The following UST variants were observed in gnomAD, a reference collection of about 807,000 sequenced individuals.
The protein encoded by UST is chondroitin sulfate 2-O-sulfotransferase.
A neutral mutation model predicts 45.6 loss-of-function variants in UST; 21 were observed. The ratio of observed to expected loss-of-function variants is 0.46; its 90% CI spans 0.33 to 0.66. UST has a LOEUF of 0.66. UST is among the 30% of genes least tolerant of loss of function. The pLI is 0.02. For missense variants in UST, 463 were observed against 512.4 expected (o/e 0.90, Z 0.93); for synonymous variants, 215 against 200.6 (o/e 1.07, Z -0.61).
At chr6:148,920,920 C>A (rs9498179) in intron 2 of UST, among the ~76,000 whole-genome samples, 1 of 152,180 alleles carries the variant, frequency 6.6e-6, no homozygotes, top group Non-Finnish European at 1.5e-5. Context: ...CCATCAGGAG[C>A]GTCAGAAGGA....
intron 1 of UST, among the ~76,000 whole-genome samples, chr6:148,774,815 T>G (rs970988992): frequency 3.9e-5 from 6 of 152,178 alleles, no homozygotes; most frequent in Non-Finnish European, 8.8e-5. Context: ...GGTCAGGAGT[T>G]CGAAACCAGC....
chr6:148,982,748 A>G (rs1010215175), intron 5 of UST, among the ~76,000 whole-genome samples: 1 of 152,224 alleles, frequency 6.6e-6, no homozygotes, highest in Admixed American at 6.5e-5. Flanking sequence ...CTTGAGGTTT[A>G]TGAGCACTTG....
At chr6:149,053,782 C>T (rs533033368) in intron 7 of UST, among the ~76,000 whole-genome samples, 9 of 152,346 alleles carry the variant, frequency 5.9e-5, no homozygotes, top group Non-Finnish European at 8.8e-5. Flanking sequence ...AGGGAATGCA[C>T]AGAAGCCTGA....
intron 1 of UST, among the ~76,000 whole-genome samples, chr6:148,768,240 A>G (rs1364985405): frequency 1.3e-5 from 2 of 152,204 alleles, no homozygotes; most frequent in Non-Finnish European, 2.9e-5. Flanking sequence ...AATATTAGTG[A>G]AAGTGAACCA....
chr6:149,064,394 G>C (rs558946675), intron 7 of UST, among the ~76,000 whole-genome samples: 84 of 152,300 alleles, frequency 5.5e-4, no homozygotes, highest in South Asian at 3.7e-3. Context: ...AGCACTGGGA[G>C]CTTTATAAGG....
intron 1 of UST, among the ~76,000 whole-genome samples, chr6:148,759,137 A>T (rs1256100384): frequency 2.0e-5 from 3 of 152,164 alleles, no homozygotes; most frequent in African/African-American, 7.2e-5. Context: ...TCCGTTCCTT[A>T]GGACCCTCAT....
chr6:149,005,220 C>T, intron 5 of UST: 1 of 903,974 alleles, frequency 1.1e-6, no homozygotes, highest in Non-Finnish European at 1.3e-6. Context: ...CCTGCCCATC[C>T]AGCACCTCCC....
chr6:148,990,348 ATCTT>A lies in UST; in HGVS notation c.681+25795_681+25798del, dbSNP rs1020461152. The A allele has an allele frequency of 2.1e-5, 20 of 971,738 alleles. No homozygotes were observed. The African/African-American group carries it at 2.3e-4, about 11-fold the overall frequency. The allele number at this position is 971,738 out of a possible 1,614,324, so 60.2% of individuals were successfully genotyped here. The stretch of plus-strand genomic sequence containing the variant: ...AAAGAATAAGATTTGATGCCATGAG[ATCTT>A]TCTTTCTTTTAAATCCAAATAGTTA... On this transcript the variant is annotated intron_variant, in intron 5 of 7. Coordinates refer to ENST00000367463, the MANE Select transcript of UST (RefSeq NM_005715.3).
At chr6:148,985,818 A>T (rs528107492) in intron 5 of UST, among the ~76,000 whole-genome samples, 1 of 152,106 alleles carries the variant, frequency 6.6e-6, no homozygotes, top group Non-Finnish European at 1.5e-5. Context: ...AAAAACAAAT[A>T]CTATTGAGCA....
chr6:148,777,320 T>G (rs188113153), intron 1 of UST, among the ~76,000 whole-genome samples: 2 of 152,344 alleles, frequency 1.3e-5, no homozygotes, highest in African/African-American at 4.8e-5. Context: ...AAGATTTAAT[T>G]GAATTATGCA....
intron 4 of UST, among the ~76,000 whole-genome samples, chr6:148,959,883 G>A (rs1156349957): frequency 6.6e-6 from 1 of 152,090 alleles, no homozygotes; most frequent in Non-Finnish European, 1.5e-5. Context: ...GGAGATGGAA[G>A]TGCCCACTGC....
At chr6:148,867,327 C>T (rs10534113) in intron 1 of UST, among the ~76,000 whole-genome samples, 30 of 92,860 alleles carry the variant, frequency 3.2e-4, no homozygotes, top group African/African-American at 1.5e-3. Flanking sequence ...CACACACACA[C>T]ATATATATGT....
chr6:148,933,317 A>G (rs1779957136), intron 2 of UST, among the ~76,000 whole-genome samples: 1 of 152,188 alleles, frequency 6.6e-6, no homozygotes, highest in African/African-American at 2.4e-5. Context: ...ATTATCCACT[A>G]TATACATAAC....
intron 1 of UST, among the ~76,000 whole-genome samples, chr6:148,867,124 G>A (rs1039855011): frequency 2.6e-5 from 4 of 152,000 alleles, no homozygotes; most frequent in Admixed American, 2.6e-4. Flanking sequence ...CACTGCACTG[G>A]GCATAAACCA....
chr6:149,062,777 T>A (rs1391323638), intron 7 of UST, among the ~76,000 whole-genome samples: 1 of 152,216 alleles, frequency 6.6e-6, no homozygotes, highest in African/African-American at 2.4e-5. Context: ...CTGTACAGCC[T>A]TGAGCTGGTC....
intron 1 of UST, among the ~76,000 whole-genome samples, chr6:148,779,048 A>G (rs1454921738): frequency 1.3e-5 from 2 of 151,726 alleles, no homozygotes; most frequent in African/African-American, 4.8e-5. Context: ...CCCGCTGTGG[A>G]TGCCGCTGTG....
At chr6:148,935,035 C>G (rs1431495241) in intron 2 of UST, among the ~76,000 whole-genome samples, 1 of 152,202 alleles carries the variant, frequency 6.6e-6, no homozygotes, top group African/African-American at 2.4e-5. Flanking sequence ...ACCACATTTA[C>G]TTTTTACCTA....
At position 149,074,400 on chromosome 6, in the gene UST, A is replaced by T; in HGVS notation, c.*284A>T. The T allele has an allele frequency of 2.3e-6, 1 of 437,760 alleles. No homozygotes were observed. The highest frequency in any genetic ancestry group is 4.1e-6 in the Non-Finnish European group (1 of 244,512). The allele number at this position is 437,760 out of a possible 1,614,324, so 27.1% of individuals were successfully genotyped here. ...GCTTTCCCCCACCCCATATCATGGG[A>T]AAAGGGGGAGAAATATAGCCCCTAG... On this transcript the variant is annotated 3_prime_UTR_variant, in exon 8 of 8. Transcript: ENST00000367463.
intron 7 of UST, among the ~76,000 whole-genome samples, chr6:149,065,669 T>C (rs1185622017): frequency 6.6e-6 from 1 of 152,088 alleles, no homozygotes; most frequent in African/African-American, 2.4e-5. Flanking sequence ...AAAAGAGGGG[T>C]CATGATATTC....
Sources: allele counts gnomAD v4.1 joint callset (sites outside exome capture counted in the v4.1 genomes callset), GRCh38; gene constraint gnomAD v4.1.1; transcripts MANE v1.5; gene names NCBI Gene and HGNC (gene_info 2026-07-23, HGNC 2026-07-21).